The following MIX23 variants were observed in gnomAD, a reference collection of about 807,000 sequenced individuals.
MIX23 encodes protein MIX23.
Under a neutral mutation model 21.6 loss-of-function variants are expected in MIX23, and 13 were observed. The ratio of observed to expected loss-of-function variants is 0.60; its 90% CI spans 0.39 to 0.96. The LOEUF is 0.96. MIX23 is among the 40% of genes least tolerant of loss of function. The pLI is 0.00. For missense variants in MIX23, 144 were observed against 171.2 expected (o/e 0.84, Z 0.89); for synonymous variants, 59 against 58.0 (o/e 1.02, Z -0.08).
At chr3:122,381,738 A>T (rs905081576) in intron 1 of MIX23, among the ~76,000 whole-genome samples, 51 of 152,038 alleles carry the variant, frequency 3.4e-4, no homozygotes, top group African/African-American at 1.1e-3. Context: ...TAAAAAAAAA[A>T]AAAAAAAGAA....
At chr3:122,380,340 C>T (rs1396815873) in intron 1 of MIX23, among the ~76,000 whole-genome samples, 1 of 152,154 alleles carries the variant, frequency 6.6e-6, no homozygotes, top group Non-Finnish European at 1.5e-5. Context: ...TCAAAGCTCC[C>T]ACGGTGCTTC....
chr3:122,375,785 G>A (rs1178449492), intron 1 of MIX23, among the ~76,000 whole-genome samples: 1 of 152,084 alleles, frequency 6.6e-6, no homozygotes, highest in Non-Finnish European at 1.5e-5. Context: ...GGAATATGTG[G>A]AGACTTCTCA....
intron 1 of MIX23, 120 bp downstream of exon 1, chr3:122,383,054 G>C (rs891955757): frequency 2.3e-5 from 31 of 1,367,444 alleles, no homozygotes; most frequent in Non-Finnish European, 3.2e-5. Context: ...AATGGCTCGA[G>C]AAAAGAGCTT....
chr3:122,381,484 G>A (rs185049615), intron 1 of MIX23, among the ~76,000 whole-genome samples: 21 of 152,270 alleles, frequency 1.4e-4, no homozygotes, highest in East Asian at 9.6e-4. Flanking sequence ...CCAGCATTTC[G>A]GAAGGCTGAA....
chr3:122,368,387 T>A, intron 2 of MIX23, 65 bp from the exon 3 acceptor site: 1 of 1,448,986 alleles, frequency 6.9e-7, no homozygotes, highest in Non-Finnish European at 9.1e-7. Flanking sequence ...TTTAGTGTTT[T>A]TCAAAAAAAT....
chr3:122,374,618 C>A (rs530709267), intron 1 of MIX23, among the ~76,000 whole-genome samples: 1 of 152,056 alleles, frequency 6.6e-6, no homozygotes, highest in South Asian at 2.1e-4. Flanking sequence ...CTTCGATCCA[C>A]GGTTGATTGA....
chr3:122,372,359 T>C (rs555133344), intron 1 of MIX23, among the ~76,000 whole-genome samples: 1 of 152,214 alleles, frequency 6.6e-6, no homozygotes, highest in East Asian at 1.9e-4. Flanking sequence ...TCTTTTCACT[T>C]GTCACTAGAG....
At chr3:122,373,511 C>T (rs533112731) in intron 1 of MIX23, among the ~76,000 whole-genome samples, 196 of 152,166 alleles carry the variant, frequency 1.3e-3, no homozygotes, top group Non-Finnish European at 1.6e-3. Flanking sequence ...TGGACTCAAG[C>T]GATCCACCGG....
At chr3:122,377,137 C>T (rs1362629129) in intron 1 of MIX23, among the ~76,000 whole-genome samples, 1 of 152,184 alleles carries the variant, frequency 6.6e-6, no homozygotes, top group Non-Finnish European at 1.5e-5. Flanking sequence ...GCTGAGATCA[C>T]GCCACTGTAC....
chr3:122,363,242 G>T (rs2075372477), intron 3 of MIX23, among the ~76,000 whole-genome samples: 2 of 151,944 alleles, frequency 1.3e-5, no homozygotes, highest in Admixed American at 1.3e-4. Flanking sequence ...AAACTTTGCT[G>T]CATATCCTAA....
At position 122,363,560 on chromosome 3, in the gene MIX23, T is replaced by C. The variant is rs926635783; in HGVS notation, c.325-533A>G. On this transcript the variant is annotated intron_variant, in intron 3 of 4. Coordinates refer to ENST00000291458, the MANE Select transcript of MIX23 (RefSeq NM_001017928.4). ...AACCCAGGGATTCCAGTTCTAGAGA[T>C]TGATCATACAACTACAGACTTGCAA... Among the ~76,000 whole-genome samples, 6 of 151,754 alleles carry C rather than the reference T, an allele frequency of 4.0e-5. 1 individual carries two copies. The highest frequency in any genetic ancestry group is 1.2e-4 in the African/African-American group (5 of 41,106).
intron 2 of MIX23, 38 bp downstream of exon 2, chr3:122,371,637 G>A: frequency 6.2e-7 from 1 of 1,606,670 alleles, no homozygotes; most frequent in Non-Finnish European, 8.5e-7. Context: ...TGCAAAGAAA[G>A]GCATGAAAGA....
chr3:122,382,426 T>C (rs559662667), intron 1 of MIX23, among the ~76,000 whole-genome samples: 1 of 152,344 alleles, frequency 6.6e-6, no homozygotes, highest in Non-Finnish European at 1.5e-5. Flanking sequence ...TTACTACAGA[T>C]AGGTCAATTT....
chr3:122,366,156 C>T (rs889068955), intron 3 of MIX23, among the ~76,000 whole-genome samples: 3 of 150,726 alleles, frequency 2.0e-5, no homozygotes, highest in African/African-American at 7.3e-5. Context: ...CCAGCCCAGG[C>T]GATAGTGCGA....
At chr3:122,378,751 G>A (rs1193609806) in intron 1 of MIX23, among the ~76,000 whole-genome samples, 3 of 152,190 alleles carry the variant, frequency 2.0e-5, no homozygotes, top group Non-Finnish European at 4.4e-5. Context: ...TCATTATGTG[G>A]AGCATGACTC....
At chr3:122,380,473 T>C (rs2075522695) in intron 1 of MIX23, among the ~76,000 whole-genome samples, 1 of 152,112 alleles carries the variant, frequency 6.6e-6, no homozygotes, top group Admixed American at 6.5e-5. Context: ...TGCTAGAAAA[T>C]AACCTATTTA....
Position 122,371,740 on chromosome 3 carries a change from C to G in MIX23, c.112G>C (p.Val38Leu), listed in dbSNP as rs775840282. The G allele has an allele frequency of 6.2e-6, 10 of 1,611,588 alleles. No individual in the cohort carries two copies. The South Asian group carries it at 9.9e-5, about 16-fold the overall frequency. The change falls in exon 2 of 5, where the codon GTT becomes CTT. Residue 38 changes from valine (V) to leucine (L), a missense_variant. Transcript: ENST00000291458. ...TTCCCTGCAAAGGAAGCTGTTGGAA[C>G]CGTAGTGTTTAATTCATGTACTATT... ...DRIVHELNTT[V>L]PTASFAGKID...
chr3:122,377,748 T>C (rs892251221), intron 1 of MIX23, among the ~76,000 whole-genome samples: 2 of 152,150 alleles, frequency 1.3e-5, no homozygotes, highest in African/African-American at 4.8e-5. Context: ...CTTGGGATGC[T>C]GGGGCAGAAG....
intron 1 of MIX23, chr3:122,373,117 G>GTTAAA (rs1010174745): frequency 1.6e-4 from 54 of 347,668 alleles, no homozygotes; most frequent in African/African-American, 1.1e-3. Context: ...ATCATCCATA[G>GTTAAA]TTAACCATTA....
Sources: allele counts gnomAD v4.1 joint callset (sites outside exome capture counted in the v4.1 genomes callset), GRCh38; gene constraint gnomAD v4.1.1; transcripts MANE v1.5; gene names NCBI Gene and HGNC (gene_info 2026-07-23, HGNC 2026-07-21).